Variants in CHKA observed in about 807,000 individuals in gnomAD.
CHKA encodes CHETK-alpha.
Under a neutral mutation model 60.1 loss-of-function variants are expected in CHKA, and 34 were observed. The observed-to-expected ratio is 0.57, with a 90% CI of 0.43 to 0.75. The LOEUF (loss-of-function observed/expected upper bound fraction) is 0.75. Among genes scored for constraint, CHKA ranks in the 30% least tolerant of loss-of-function variants. The pLI, the probability that CHKA is intolerant of heterozygous loss-of-function variation, is 0.00. For synonymous variants in CHKA, 217 were observed against 223.1 expected (o/e 0.97, Z 0.24); for missense variants, 563 against 561.3 (o/e 1.00, Z -0.03).
intron 1 of CHKA, among the ~76,000 whole-genome samples, chr11:68,097,631 G>A (rs1436923797): frequency 1.8e-4 from 14 of 76,000 alleles, no homozygotes; most frequent in African/African-American, 4.5e-4. Flanking sequence ...GCAAGACTCC[G>A]TCTCAAAAAA....
At chr11:68,108,367 T>G in intron 1 of CHKA, among the ~76,000 whole-genome samples, 1 of 152,092 alleles carries the variant, frequency 6.6e-6, no homozygotes, top group Non-Finnish European at 1.5e-5. Flanking sequence ...TGGTTTCCAG[T>G]CCAGTATGTG....
intron 8 of CHKA, 43 bp downstream of exon 8, chr11:68,066,386 T>C (rs1272484884): frequency 4.2e-6 from 6 of 1,442,550 alleles, no homozygotes; most frequent in Non-Finnish European, 5.8e-6. Flanking sequence ...ATCGTAATGA[T>C]AAATCAATAT....
At chr11:68,077,301 C>G (rs1034631756) in intron 3 of CHKA, among the ~76,000 whole-genome samples, 2 of 152,150 alleles carry the variant, frequency 1.3e-5, no homozygotes, top group Non-Finnish European at 2.9e-5. Context: ...AGGTTAAGGA[C>G]AGCAGAGAAT....
rs944711110 is a variant in CHKA, at chr11:68,053,682, T to C, written c.*306A>G. ...GCTTACTCTTGCTGTTTGCCTCATCTGACTGGAAACCTTAGCCCCCAAATA... is the reference window on the plus strand; with the variant it reads ...GCTTACTCTTGCTGTTTGCCTCATCCGACTGGAAACCTTAGCCCCCAAATA... On this transcript the variant is annotated 3_prime_UTR_variant, in exon 12 of 12. Coordinates refer to ENST00000265689, the MANE Select transcript of CHKA (RefSeq NM_001277.3). 1.2e-5 allele frequency: 4 copies of C among 330,306 alleles called. No individual in the cohort carries two copies. Among genetic ancestry groups the C allele is most frequent in the African/African-American group, 8.5e-5 (4 of 47,124 alleles). The allele number at this position is 330,306 out of a possible 1,614,324, so 20.5% of individuals were successfully genotyped here.
chr11:68,079,365 T>C (rs2134582782), intron 3 of CHKA, among the ~76,000 whole-genome samples: 1 of 147,722 alleles, frequency 6.8e-6, no homozygotes, highest in Non-Finnish European at 1.5e-5. Context: ...AGTTTCGCAC[T>C]GTCGCCCAGG....
intron 1 of CHKA, among the ~76,000 whole-genome samples, chr11:68,120,024 T>G (rs1363177832): frequency 6.7e-6 from 1 of 150,210 alleles, no homozygotes. Context: ...AGGTCGGGAG[T>G]TCAAGATCAG....
intron 4 of CHKA, among the ~76,000 whole-genome samples, chr11:68,074,457 G>A (rs1480781433): frequency 6.6e-6 from 1 of 152,180 alleles, no homozygotes; most frequent in South Asian, 2.1e-4. Flanking sequence ...AAAGTCTCAG[G>A]GTACACAGCC....
intron 1 of CHKA, among the ~76,000 whole-genome samples, chr11:68,112,954 C>T (rs1435646813): frequency 7.9e-5 from 12 of 151,396 alleles, no homozygotes; most frequent in Non-Finnish European, 1.6e-4. Flanking sequence ...TGGTGGCAGC[C>T]GCCTGTAGTC....
intron 4 of CHKA, among the ~76,000 whole-genome samples, chr11:68,073,444 G>A (rs917842037): frequency 1.4e-4 from 21 of 152,012 alleles, no homozygotes; most frequent in African/African-American, 4.6e-4. Flanking sequence ...ACCTGAGGTC[G>A]GGAGTTCGAG....
chr11:68,056,629 T>C (rs1856025543), intron 11 of CHKA, among the ~76,000 whole-genome samples: 1 of 152,120 alleles, frequency 6.6e-6, no homozygotes, highest in Non-Finnish European at 1.5e-5. Flanking sequence ...AAGAATGAGT[T>C]CCCCAACCCA....
At chr11:68,105,514 C>CAAAAAAAAAAAAAAAAAA (rs1170085830) in intron 1 of CHKA, among the ~76,000 whole-genome samples, 2 of 64,954 alleles carry the variant, frequency 3.1e-5, no homozygotes, top group African/African-American at 5.9e-5. Context: ...GACTCCATCT[C>CAAAAAAAAAAAAAAAAAA]AAAAAAAAAA....
chr11:68,079,657 T>C (rs1856912419), intron 3 of CHKA, among the ~76,000 whole-genome samples: 1 of 152,216 alleles, frequency 6.6e-6, no homozygotes, highest in African/African-American at 2.4e-5. Context: ...AAATTTTTTC[T>C]GTAAGTCTAA....
rs537622128 is a variant in CHKA, at chr11:68,071,257, G to C, written c.631-400C>G. ...CCACTTCCAGCTCCTCCATCAGCTG[G>C]GACATTCTACTCTGATGTGTTGCAG... is the stretch of plus-strand genomic sequence containing the variant. On this transcript the variant is annotated intron_variant, in intron 4 of 11. Coordinates refer to ENST00000265689, the MANE Select transcript of CHKA (RefSeq NM_001277.3). Among the ~76,000 whole-genome samples the C allele has an allele frequency of 2.2e-4, 34 of 152,268 alleles. 1 individual carries two copies. The South Asian group carries it at 7.1e-3, about 32-fold the overall frequency.
chr11:68,054,848 A>G (rs1855945825), intron 11 of CHKA, among the ~76,000 whole-genome samples: 1 of 152,172 alleles, frequency 6.6e-6, no homozygotes, highest in African/African-American at 2.4e-5. Context: ...ACAGGCAGCC[A>G]CCGACTCAAT....
chr11:68,061,853 T>C lies in CHKA; in HGVS notation c.1314+100A>G, dbSNP rs561219051. On this transcript the variant is annotated intron_variant, in intron 11 of 11. Transcript: ENST00000265689. ...GTACTTGGGGAGACAGAGAACCCTC[T>C]GTAAGGAACAGTCATTTGCTGCCAA... 2.9e-5 allele frequency: 25 copies of C among 870,606 alleles called. No homozygotes were observed. In the African/African-American group the frequency reaches 3.9e-4, roughly 13 times the overall value. The allele number at this position is 870,606 out of a possible 1,614,324, so 53.9% of individuals were successfully genotyped here.
At chr11:68,054,751 G>T (rs1855942576) in intron 11 of CHKA, among the ~76,000 whole-genome samples, 1 of 152,180 alleles carries the variant, frequency 6.6e-6, no homozygotes, top group South Asian at 2.1e-4. Flanking sequence ...CTTCACAGAT[G>T]CATCCAGCCA....
chr11:68,081,014 G>A (rs1229036645), intron 3 of CHKA, among the ~76,000 whole-genome samples: 2 of 152,232 alleles, frequency 1.3e-5, no homozygotes, highest in Admixed American at 6.5e-5. Context: ...AAACCACTGG[G>A]CAGTGACCCG....
chr11:68,055,569 T>A (rs1855983147), intron 11 of CHKA, among the ~76,000 whole-genome samples: 1 of 152,210 alleles, frequency 6.6e-6, no homozygotes, highest in Admixed American at 6.5e-5. Context: ...TTCCCATTGC[T>A]CCATGTGCTC....
intron 3 of CHKA, among the ~76,000 whole-genome samples, chr11:68,079,601 G>A (rs1197483621): frequency 6.6e-6 from 1 of 152,172 alleles, no homozygotes; most frequent in Non-Finnish European, 1.5e-5. Context: ...AAAGTGCTAG[G>A]ATTACGGCGT....
Sources: allele counts gnomAD v4.1 joint callset (sites outside exome capture counted in the v4.1 genomes callset), GRCh38; gene constraint gnomAD v4.1.1; transcripts MANE v1.5; gene names NCBI Gene and HGNC (gene_info 2026-07-23, HGNC 2026-07-21).